Variants in SLC9A1 observed in about 807,000 individuals in gnomAD.
The protein encoded by SLC9A1 is sodium/hydrogen exchanger 1.
Under a neutral mutation model 67.9 loss-of-function variants are expected in SLC9A1, and 22 were observed. The observed-to-expected ratio is 0.32, with a 90% confidence interval of 0.23 to 0.46. The LOEUF is 0.46. Ranked by LOEUF, SLC9A1 falls within the 20% of genes least tolerant of loss-of-function variation. The probability of loss-of-function intolerance (pLI) is 1.00; values close to 1 mark genes in which losing one functional copy is unlikely to be tolerated. For missense variants in SLC9A1, 686 were observed against 1,094.8 expected, an observed-to-expected ratio of 0.63 and a Z score of 5.27; for synonymous variants, 421 against 471.8, an observed-to-expected ratio of 0.89 and a Z score of 1.40.
chr1:27,113,492 C>T (rs2083244646), intron 2 of SLC9A1, among the ~76,000 whole-genome samples: 3 of 152,148 alleles, frequency 2.0e-5, no homozygotes, highest in Admixed American at 2.0e-4. Context: ...AAGGAGGGAG[C>T]ATATAACCTA....
chr1:27,145,925 A>C (rs1178396050), intron 1 of SLC9A1, among the ~76,000 whole-genome samples: 2 of 152,204 alleles, frequency 1.3e-5, no homozygotes, highest in Non-Finnish European at 2.9e-5. Context: ...CCAACCCAAA[A>C]CTTAGTTCAG....
At chr1:27,145,516 A>G (rs1400203822) in intron 1 of SLC9A1, among the ~76,000 whole-genome samples, 2 of 152,186 alleles carry the variant, frequency 1.3e-5, no homozygotes, top group African/African-American at 2.4e-5. Flanking sequence ...AGTGTTAGCT[A>G]TTTATTGGTT....
At position 27,100,409 on chromosome 1, in the gene SLC9A1, G is replaced by A; in HGVS notation, c.2346C>T (p.Pro782=). Residue 782 remains proline, a synonymous_variant, in exon 12 of 12, where the codon CCC becomes CCT. Coordinates refer to ENST00000263980, the MANE Select transcript of SLC9A1 (RefSeq NM_003047.5). This position sits in a 1 kb window ranked among gnomAD's most constrained non-coding sequence, Gnocchi z 5.6. The part of the protein sequence containing the change: ...PGTDDVFTPA[P]SDSPSSQRIQ... ...TCCTCTGGGAGCTGGGGCTGTCACT[G>A]GGCGCGGGGGTGAAGACATCGTCGG... 1 of 1,606,440 alleles carries A rather than the reference G, an allele frequency of 6.2e-7. No homozygotes were observed. Among genetic ancestry groups the A allele is most frequent in the Non-Finnish European group, 8.5e-7 (1 of 1,175,804 alleles).
chr1:27,136,255 G>A (rs1291036517), intron 1 of SLC9A1, among the ~76,000 whole-genome samples: 2 of 152,252 alleles, frequency 1.3e-5, no homozygotes, highest in African/African-American at 4.8e-5. Context: ...TAACTAGCAA[G>A]GGGACAGCAG....
Position 27,135,177 on chromosome 1 carries a change from G to C in SLC9A1, c.352+18806C>G, listed in dbSNP as rs1224764037. Among the ~76,000 whole-genome samples the C allele has an allele frequency of 1.3e-5, 2 of 151,810 alleles. 1 individual carries two copies. Among genetic ancestry groups the C allele is most frequent in the African/African-American group, 4.8e-5 (2 of 41,312 alleles). On this transcript the variant is annotated intron_variant, in intron 1 of 11. Transcript: ENST00000263980. ...CAATCCTCCCACTTCAGCCTCCCAAGTAGCTGGGACCACAGGCCTGTGCCA... is the reference window on the plus strand; with the variant it reads ...CAATCCTCCCACTTCAGCCTCCCAACTAGCTGGGACCACAGGCCTGTGCCA...
In SLC9A1 at chr1:27,114,208, C is replaced by A; in HGVS notation, c.431G>T (p.Gly144Val). The change falls in exon 2 of 12, where the codon GGC becomes GTC. Residue 144 changes from glycine (G) to valine (V), a missense_variant. Transcript: ENST00000263980. This position sits in a 1 kb window ranked among gnomAD's most constrained non-coding sequence, Gnocchi z 5.4. ...TGTCTCGCCTACACCCTTGATCAGGCCCCCCACCAGCAGCCCCACCACGAT... is the reference window on the plus strand; with the variant it reads ...TGTCTCGCCTACACCCTTGATCAGGACCCCCACCAGCAGCCCCACCACGAT... ...LLIVVGLLVGGLIKGVGETPP... is the reference protein window; with the variant it reads ...LLIVVGLLVGVLIKGVGETPP... 1 of 1,614,032 alleles carries A rather than the reference C, an allele frequency of 6.2e-7. No homozygotes were observed. Among genetic ancestry groups the A allele is most frequent in the Non-Finnish European group, 8.5e-7 (1 of 1,179,936 alleles).
chr1:27,109,388 G>A lies in SLC9A1; in HGVS notation c.1064+139C>T. The A allele has an allele frequency of 1.1e-6, 1 of 920,690 alleles. No homozygotes were observed. Among genetic ancestry groups the A allele is most frequent in the Non-Finnish European group, 1.7e-6 (1 of 595,492 alleles). 57.0% of individuals were successfully genotyped at this position (920,690 alleles called of 1,614,324 possible). A position where few individuals can be genotyped will look rare whatever the true frequency, so the allele number is the denominator to read the frequency against. Reference sequence around the variant, plus strand: ...TTTAAATGGCTACCAAGCAGGTCTGGAGCCTGGAGTTCATGTCTCATCCCT... The same window carrying A: ...TTTAAATGGCTACCAAGCAGGTCTGAAGCCTGGAGTTCATGTCTCATCCCT... On this transcript the variant is annotated intron_variant, in intron 3 of 11. Transcript: ENST00000263980. The surrounding 1 kb of genome is among the most constrained non-coding windows in gnomAD (Gnocchi z 5.5).
chr1:27,134,048 C>G (rs954135052), intron 1 of SLC9A1, among the ~76,000 whole-genome samples: 1 of 152,156 alleles, frequency 6.6e-6, no homozygotes, highest in African/African-American at 2.4e-5. Context: ...CAGGCATGAG[C>G]TACCGCGCCC....
chr1:27,147,093 G>A lies in SLC9A1; in HGVS notation c.352+6890C>T, dbSNP rs151087443. On this transcript the variant is annotated intron_variant, in intron 1 of 11. Coordinates refer to ENST00000263980, the MANE Select transcript of SLC9A1 (RefSeq NM_003047.5). Reference sequence around the variant, plus strand: ...TCGAGACCAGCCTGGCCAATATGGTGAAACCCTGTCTCTACTAAAAACAAA... The same window carrying A: ...TCGAGACCAGCCTGGCCAATATGGTAAAACCCTGTCTCTACTAAAAACAAA... Among the ~76,000 whole-genome samples the A allele has an allele frequency of 4.5e-3, 678 of 151,258 alleles. 5 individuals are homozygous for A. Among genetic ancestry groups the A allele is most frequent in the African/African-American group, 0.016 (643 of 41,286 alleles).
chr1:27,123,815 T>C (rs1200727222), intron 1 of SLC9A1, among the ~76,000 whole-genome samples: 2 of 151,484 alleles, frequency 1.3e-5, no homozygotes, highest in African/African-American at 4.9e-5. Context: ...CCAGCCCTTT[T>C]ATTGGGCTTT....
At chr1:27,142,663 G>A (rs1488796894) in intron 1 of SLC9A1, among the ~76,000 whole-genome samples, 1 of 152,240 alleles carries the variant, frequency 6.6e-6, no homozygotes, top group East Asian at 1.9e-4. Flanking sequence ...CACCTACTGT[G>A]TGTGAGCTGG....
At position 27,109,694 on chromosome 1, in the gene SLC9A1, G is replaced by A. The variant is rs771170194; in HGVS notation, c.897C>T (p.Phe299=). ...CAAGCACCCCGCCCAGGGCCACCACGAAGAAGCTCAGGAAGCCGAGGAAGA... is the reference window on the plus strand; with the variant it reads ...CAAGCACCCCGCCCAGGGCCACCACAAAGAAGCTCAGGAAGCCGAGGAAGA... The part of the protein sequence containing the change: ...VDIFLGFLSF[F]VVALGGVLVG... Residue 299 remains phenylalanine (F), a synonymous_variant, in exon 3 of 12, where the codon TTC becomes TTT. Transcript: ENST00000263980. The surrounding 1 kb of genome is among the most constrained non-coding windows in gnomAD (Gnocchi z 5.5). 1.8e-5 allele frequency: 29 copies of A among 1,613,860 alleles called. No individual in the cohort carries two copies. Among genetic ancestry groups the A allele is most frequent in the Admixed American group, 6.7e-5 (4 of 59,998 alleles).
chr1:27,139,900 C>T (rs945629910), intron 1 of SLC9A1, among the ~76,000 whole-genome samples: 1 of 151,742 alleles, frequency 6.6e-6, no homozygotes, highest in Non-Finnish European at 1.5e-5. Flanking sequence ...TCAAGCCATT[C>T]TCCTGTCTCA....
chr1:27,139,797 G>GT lies in SLC9A1; in HGVS notation c.352+14185dup, dbSNP rs539350944. Among the ~76,000 whole-genome samples the GT allele has an allele frequency of 4.1e-3, 543 of 133,778 alleles. 3 individuals carry two copies. Among genetic ancestry groups the GT allele is most frequent in the African/African-American group, 7.6e-3 (278 of 36,650 alleles). The allele number at this position is 133,778 out of a possible 152,430, so 87.8% of individuals were successfully genotyped here. On this transcript the variant is annotated intron_variant, in intron 1 of 11. Transcript: ENST00000263980. ...TCTATGTGAGCTAAGCACACTCATT[G>GT]TTTTTTTTTTTTTTTGAAACAGAGT...
At chr1:27,136,126 G>A (rs989616999) in intron 1 of SLC9A1, among the ~76,000 whole-genome samples, 4 of 152,184 alleles carry the variant, frequency 2.6e-5, no homozygotes, top group African/African-American at 9.7e-5. Flanking sequence ...AGGCAGTCTC[G>A]CTCCTGGCTT....
intron 1 of SLC9A1, among the ~76,000 whole-genome samples, chr1:27,143,556 G>A (rs1375652884): frequency 1.3e-5 from 2 of 152,164 alleles, no homozygotes; most frequent in African/African-American, 2.4e-5. Context: ...CACTCCCAAA[G>A]GATAGAGCTG....
At chr1:27,134,336 C>T (rs1458886407) in intron 1 of SLC9A1, among the ~76,000 whole-genome samples, 1 of 152,216 alleles carries the variant, frequency 6.6e-6, no homozygotes, top group African/African-American at 2.4e-5. Flanking sequence ...TCCAAGCTTT[C>T]CTCTAGCTCT....
chr1:27,114,111 G>T lies in SLC9A1; in HGVS notation c.528C>A (p.Phe176Leu), dbSNP rs1244969084. ...LPPIILDAGYFLPLRQFTENL... is the reference protein window; with the variant it reads ...LPPIILDAGYLLPLRQFTENL... ...TTTCTGTGAACTGCCGCAGTGGCAGGAAGTAGCCCGCATCCAGGATGATGG... is the reference window on the plus strand; with the variant it reads ...TTTCTGTGAACTGCCGCAGTGGCAGTAAGTAGCCCGCATCCAGGATGATGG... Residue 176 changes from phenylalanine (F) to leucine (L), a missense_variant, in exon 2 of 12, where the codon TTC becomes TTA. Phe to Leu is a conservative substitution (Grantham distance 22, BLOSUM62 0). This residue lies in a region of SLC9A1 where 29 missense variants were observed against 71.9 expected (regional missense o/e 0.40). Coordinates refer to ENST00000263980, the MANE Select transcript of SLC9A1 (RefSeq NM_003047.5). The surrounding 1 kb of genome is among the most constrained non-coding windows in gnomAD (Gnocchi z 5.4). 6.2e-7 allele frequency: 1 copy of T among 1,614,188 alleles called. No individual in the cohort carries two copies. Among genetic ancestry groups the T allele is most frequent in the Admixed American group, 1.7e-5 (1 of 60,028 alleles).
At chr1:27,145,464 A>G (rs1292202793) in intron 1 of SLC9A1, among the ~76,000 whole-genome samples, 5 of 152,248 alleles carry the variant, frequency 3.3e-5, no homozygotes, top group Non-Finnish European at 7.3e-5. Context: ...GCAAAGACAC[A>G]GCCTCTTCCA....
Sources: gnomAD v4.1 joint callset for allele counts (sites outside exome capture counted in the v4.1 genomes callset) on GRCh38, gnomAD v4.1.1 for gene constraint, gnomAD v4.1.1 regional missense constraint, Gnocchi (gnomAD v3.1) non-coding constraint, MANE v1.5 for transcripts, NCBI Gene and HGNC (gene_info 2026-07-23, HGNC 2026-07-21) for gene names.